Variants in PKN2 observed in about 807,000 individuals in gnomAD.
PKN2 encodes the protein protein kinase N2.
Under a neutral mutation model 119.1 loss-of-function variants are expected in PKN2, and 38 were observed. That is an observed-to-expected ratio of 0.32 (90% CI 0.25 to 0.42). The LOEUF is 0.42. PKN2 is among the 10% of genes least tolerant of loss of function. The probability of loss-of-function intolerance (pLI) is 1.00; values close to 1 mark genes in which losing one functional copy is unlikely to be tolerated. For missense variants in PKN2, 850 were observed against 1,165.1 expected (o/e 0.73, Z 3.94); for synonymous variants, 390 against 384.9 (o/e 1.01, Z -0.15).
At chr1:88,785,674 G>A (rs377569607) in intron 7 of PKN2, among the ~76,000 whole-genome samples, 22 of 152,252 alleles carry the variant, frequency 1.4e-4, no homozygotes, top group East Asian at 1.2e-3. Context: ...TCAGCCTACC[G>A]TAGAATACAA....
chr1:88,767,857 CTCTT>C (rs1669727406), intron 3 of PKN2, among the ~76,000 whole-genome samples: 1 of 152,156 alleles, frequency 6.6e-6, no homozygotes, highest in South Asian at 2.1e-4. Context: ...TATCTCCAAT[CTCTT>C]TCTTCTTTAT....
In PKN2 at chr1:88,784,625, A is replaced by G. The variant is rs1446437835; in HGVS notation, c.986-14A>G. ...GGGTTGATGTTCTTATCTGATATTT[A>G]TGTTTGCCAACAGGTACTTTGGAAG... On this transcript the variant is annotated splice_polypyrimidine_tract_variant and intron_variant, in intron 6 of 21. Coordinates refer to ENST00000370521, the MANE Select transcript of PKN2 (RefSeq NM_006256.4). 11 of 1,526,974 alleles carry G rather than the reference A, an allele frequency of 7.2e-6. No individual in the cohort carries two copies. Among genetic ancestry groups the G allele is most frequent in the Non-Finnish European group, 8.9e-6 (10 of 1,127,062 alleles). 94.6% of individuals were successfully genotyped at this position (1,526,974 alleles called of 1,614,324 possible).
chr1:88,695,082 G>A (rs1178360643), intron 1 of PKN2, among the ~76,000 whole-genome samples: 1 of 151,602 alleles, frequency 6.6e-6, no homozygotes, highest in Non-Finnish European at 1.5e-5. Flanking sequence ...AGCCGAGATT[G>A]CGCCACTGCA....
At chr1:88,798,615 C>T (rs1671186372) in intron 8 of PKN2, among the ~76,000 whole-genome samples, 1 of 151,848 alleles carries the variant, frequency 6.6e-6, no homozygotes, top group African/African-American at 2.4e-5. Flanking sequence ...AGAAGTTGCC[C>T]AGAATACAAC....
At chr1:88,720,428 A>C (rs143475870) in intron 1 of PKN2, among the ~76,000 whole-genome samples, 1 of 151,980 alleles carries the variant, frequency 6.6e-6, no homozygotes, top group East Asian at 1.9e-4. Flanking sequence ...TCACTTCCCA[A>C]CCTGTCCGTC....
At chr1:88,786,804 C>CT (rs1396432029) in intron 8 of PKN2, among the ~76,000 whole-genome samples, 1 of 151,820 alleles carries the variant, frequency 6.6e-6, no homozygotes, top group Admixed American at 6.6e-5. Context: ...AGATACTAAA[C>CT]TTTTTTATTA....
At chr1:88,791,123 G>T (rs992305945) in intron 8 of PKN2, among the ~76,000 whole-genome samples, 2 of 152,118 alleles carry the variant, frequency 1.3e-5, no homozygotes, top group Admixed American at 6.5e-5. Flanking sequence ...TTAAGAATGA[G>T]ACACTAAAGT....
intron 1 of PKN2, among the ~76,000 whole-genome samples, chr1:88,692,645 G>A (rs978738325): frequency 1.3e-4 from 19 of 151,984 alleles, no homozygotes; most frequent in Middle Eastern, 3.4e-3. Context: ...TATGTTTGTC[G>A]GCCTTTTTAC....
chr1:88,704,236 G>C (rs1394032792), intron 1 of PKN2, among the ~76,000 whole-genome samples: 1 of 152,094 alleles, frequency 6.6e-6, no homozygotes, highest in Admixed American at 6.5e-5. Context: ...GAATTATACA[G>C]TATGTACTTT....
chr1:88,813,927 T>C (rs931357905), intron 16 of PKN2, among the ~76,000 whole-genome samples, 194 bp downstream of exon 16: 2 of 152,206 alleles, frequency 1.3e-5, no homozygotes, highest in Non-Finnish European at 2.9e-5. Flanking sequence ...GAAAATGTCA[T>C]GGATTGCCCA....
intron 15 of PKN2, among the ~76,000 whole-genome samples, chr1:88,812,836 C>G (rs1169294682): frequency 6.6e-6 from 1 of 152,150 alleles, no homozygotes; most frequent in Non-Finnish European, 1.5e-5. Context: ...ATTATTTTAT[C>G]TACATTTAGC....
intron 1 of PKN2, among the ~76,000 whole-genome samples, chr1:88,707,465 A>G (rs773857280): frequency 4.6e-5 from 7 of 152,114 alleles, no homozygotes; most frequent in Non-Finnish European, 8.8e-5. Flanking sequence ...AGATGATTAT[A>G]TGAATTGCTT....
chr1:88,781,311 G>GT (rs913085414), intron 6 of PKN2: 6 of 250,724 alleles, frequency 2.4e-5, no homozygotes, highest in African/African-American at 1.4e-4. Flanking sequence ...TTTTTTTGTT[G>GT]TTTTTTCTCC....
chr1:88,775,979 G>T (rs1183307301), intron 6 of PKN2, among the ~76,000 whole-genome samples: 1 of 151,868 alleles, frequency 6.6e-6, no homozygotes, highest in Non-Finnish European at 1.5e-5. Flanking sequence ...GTGGTGGCAG[G>T]CCCCTGTAGT....
rs988476536 is a variant in PKN2, at chr1:88,760,233, A to G, written c.361A>G (p.Thr121Ala). Residue 121 changes from threonine to alanine, a missense_variant, in exon 3 of 22, where the codon ACT becomes GCT. This residue lies in a region of PKN2 where 350 missense variants were observed against 511.1 expected (regional missense o/e 0.68). Coordinates refer to ENST00000370521, the MANE Select transcript of PKN2 (RefSeq NM_006256.4). ...TATTTTATTTACAGATTGCCCAAGG[A>G]CTCCAGATACTCCAAATAATGACCC... ...DPEDITDCPR[T>A]PDTPNNDPRC... 3 of 1,549,310 alleles carry G rather than the reference A, an allele frequency of 1.9e-6. No homozygotes were observed. The highest frequency in any genetic ancestry group is 2.7e-6 in the Non-Finnish European group (3 of 1,130,760).
intron 10 of PKN2, 42 bp from the exon 11 acceptor site, chr1:88,805,455 A>G (rs1248445225): frequency 6.8e-7 from 1 of 1,479,900 alleles, no homozygotes; most frequent in African/African-American, 1.4e-5. Context: ...GGTTATACAT[A>G]AAGAAATTAC....
At chr1:88,807,848 C>A in intron 15 of PKN2, 73 bp downstream of exon 15, 1 of 805,296 alleles carries the variant, frequency 1.2e-6, no homozygotes, top group Non-Finnish European at 2.0e-6. Flanking sequence ...TGTATTACAA[C>A]AGCAAAACTT....
At position 88,833,615 on chromosome 1, in the gene PKN2, A is replaced by G. The variant is rs1298306325; in HGVS notation, c.*167A>G. On this transcript the variant is annotated 3_prime_UTR_variant, in exon 22 of 22. Transcript: ENST00000370521. The stretch of plus-strand genomic sequence containing the variant: ...AAAGTACCATTCTAATACTTCTTCA[A>G]AAGTGGCTCCTCATTGTACTTCAGC... 1 of 597,802 alleles carries G rather than the reference A, an allele frequency of 1.7e-6. No homozygotes were observed. The highest frequency in any genetic ancestry group is 2.9e-6 in the Non-Finnish European group (1 of 340,666). 37.0% of individuals were successfully genotyped at this position (597,802 alleles called of 1,614,324 possible).
At chr1:88,818,580 G>A (rs1672111396) in intron 16 of PKN2, among the ~76,000 whole-genome samples, 1 of 151,574 alleles carries the variant, frequency 6.6e-6, no homozygotes, top group African/African-American at 2.4e-5. Flanking sequence ...CCTGGGAGGT[G>A]GAGGTTGCAG....
Sources: gnomAD v4.1 joint callset for allele counts (sites outside exome capture counted in the v4.1 genomes callset) on GRCh38, gnomAD v4.1.1 for gene constraint, gnomAD v4.1.1 regional missense constraint, MANE v1.5 for transcripts, NCBI Gene and HGNC (gene_info 2026-07-23, HGNC 2026-07-21) for gene names.